The following PTCHD4 variants were observed in gnomAD, a reference collection of about 807,000 sequenced individuals.
The protein encoded by PTCHD4 is patched domain containing 4.
Under a neutral mutation model 58.1 loss-of-function variants are expected in PTCHD4, and 33 were observed. That is an observed-to-expected ratio of 0.57 (90% confidence interval 0.43 to 0.76). The LOEUF (loss-of-function observed/expected upper bound fraction) is 0.76. Ranked by LOEUF, PTCHD4 falls within the 30% of genes least tolerant of loss-of-function variation. The pLI, the probability that PTCHD4 is intolerant of heterozygous loss-of-function variation, is 0.00. For missense variants in PTCHD4, 1,058 were observed against 1,027.1 expected (o/e 1.03, Z -0.41); for synonymous variants, 478 against 409.6 (o/e 1.17, Z -2.02).
chr6:47,983,134 A>G (rs956084450), intron 4 of PTCHD4, among the ~76,000 whole-genome samples: 4 of 152,198 alleles, frequency 2.6e-5, no homozygotes, highest in Non-Finnish European at 5.9e-5. Flanking sequence ...AAAAATAGAC[A>G]TCAAAAAGTC....
intron 4 of PTCHD4, among the ~76,000 whole-genome samples, chr6:47,931,040 C>T (rs1347739637): frequency 6.6e-6 from 1 of 152,236 alleles, no homozygotes; most frequent in Non-Finnish European, 1.5e-5. Context: ...CCGCCTCGGC[C>T]TCCCAAAGTG....
At chr6:47,949,293 A>C (rs1416615049) in intron 4 of PTCHD4, among the ~76,000 whole-genome samples, 1 of 152,190 alleles carries the variant, frequency 6.6e-6, no homozygotes, top group Non-Finnish European at 1.5e-5. Flanking sequence ...AGTCAGATGA[A>C]GCTTGCTGAA....
rs753076264 is a variant in PTCHD4 at position 47,974,447 on chromosome 6, C to G, written c.898+34187G>C. Reference sequence around the variant, plus strand: ...TGGTCTGTGCCAAATAAGCACAAACCCTGATTTCTGAAAATCCATGATTTC... The same window carrying G: ...TGGTCTGTGCCAAATAAGCACAAACGCTGATTTCTGAAAATCCATGATTTC... On this transcript the variant is annotated intron_variant, in intron 4 of 4. Coordinates refer to ENST00000339488, the MANE Select transcript of PTCHD4 (RefSeq NM_001384253.1). 3.4e-4 allele frequency among the ~76,000 whole-genome samples: 51 copies of G among 152,060 alleles called. 1 individual carries two copies. The highest frequency in any genetic ancestry group is 5.6e-4 in the Non-Finnish European group (38 of 68,010).
At chr6:48,002,092 A>AT (rs1483902767) in intron 4 of PTCHD4, among the ~76,000 whole-genome samples, 1 of 152,250 alleles carries the variant, frequency 6.6e-6, no homozygotes, top group Non-Finnish European at 1.5e-5. Context: ...AATGGCGATC[A>AT]TTAAAAAGTC....
rs1424692238 is a variant in PTCHD4, at chr6:47,857,836, G to C, written c.*20467C>G. ...CATTAAACATTCTTTTTACAAGCTG[G>C]TACTTTAACATCTACCTCCCAAAGT... On this transcript the variant is annotated 3_prime_UTR_variant, in exon 5 of 5. Transcript: ENST00000339488. Among the ~76,000 whole-genome samples, 1 of 151,774 alleles carries C rather than the reference G, an allele frequency of 6.6e-6. No homozygotes were observed. The highest frequency in any genetic ancestry group is 2.4e-5 in the African/African-American group (1 of 41,282).
chr6:47,941,442 TA>T (rs1407752604), intron 4 of PTCHD4, among the ~76,000 whole-genome samples: 1 of 152,142 alleles, frequency 6.6e-6, no homozygotes, highest in Non-Finnish European at 1.5e-5. Context: ...TATATCTATC[TA>T]GAGTGAAATA....
At chr6:47,912,772 T>C (rs1307376266) in intron 4 of PTCHD4, among the ~76,000 whole-genome samples, 1 of 152,102 alleles carries the variant, frequency 6.6e-6, no homozygotes. Flanking sequence ...TAAAAAAATA[T>C]TATCTGCAAG....
intron 3 of PTCHD4, among the ~76,000 whole-genome samples, chr6:48,044,861 T>C (rs911668139): frequency 1.2e-4 from 18 of 151,924 alleles, no homozygotes; most frequent in Admixed American, 1.1e-3. Flanking sequence ...TTCATACCAT[T>C]GAACTTCAAT....
intron 4 of PTCHD4, among the ~76,000 whole-genome samples, chr6:47,999,122 A>T (rs1181220981): frequency 1.3e-5 from 2 of 152,196 alleles, no homozygotes; most frequent in African/African-American, 4.8e-5. Context: ...CAAATAAATG[A>T]TTCACTCATT....
intron 4 of PTCHD4, among the ~76,000 whole-genome samples, chr6:47,942,855 G>A (rs1766285671): frequency 6.6e-6 from 1 of 152,176 alleles, no homozygotes; most frequent in African/African-American, 2.4e-5. Context: ...TGGTTTCTAA[G>A]TGTTTCACTC....
At chr6:48,108,352 C>T (rs1765788244) in intron 1 of PTCHD4, among the ~76,000 whole-genome samples, 1 of 151,186 alleles carries the variant, frequency 6.6e-6, no homozygotes, top group Non-Finnish European at 1.5e-5. Context: ...ATCGCAAGGA[C>T]AAAAAAACCA....
At position 47,872,610 on chromosome 6, in the gene PTCHD4, C is replaced by T. The variant is rs1763746527; in HGVS notation, c.*5693G>A. Among the ~76,000 whole-genome samples, 2 of 151,564 alleles carry T rather than the reference C, an allele frequency of 1.3e-5. No individual in the cohort carries two copies. Among genetic ancestry groups the T allele is most frequent in the African/African-American group, 4.8e-5 (2 of 41,324 alleles). ...TTATAATTACCATGACCTGTGAGAC[C>T]TTTCTTAAGGGAAATTTTCAACTGG... On this transcript the variant is annotated 3_prime_UTR_variant, in exon 5 of 5. Transcript: ENST00000339488.
At position 47,872,934 on chromosome 6, in the gene PTCHD4, G is replaced by A. The variant is rs1004128498; in HGVS notation, c.*5369C>T. 2.0e-5 allele frequency among the ~76,000 whole-genome samples: 3 copies of A among 151,556 alleles called. No individual in the cohort carries two copies. Among genetic ancestry groups the A allele is most frequent in the African/African-American group, 7.3e-5 (3 of 41,328 alleles). On this transcript the variant is annotated 3_prime_UTR_variant, in exon 5 of 5. Transcript: ENST00000339488. ...ATCAGCAATAGAGAGTCCTCATTAA[G>A]TATGAAAAAAACTGATTAGAAAAAG...
intron 4 of PTCHD4, among the ~76,000 whole-genome samples, chr6:47,896,962 C>T (rs2114137689): frequency 6.6e-6 from 1 of 152,230 alleles, no homozygotes; most frequent in South Asian, 2.1e-4. Context: ...CTGTGTCTTG[C>T]CATCATTACT....
intron 4 of PTCHD4, among the ~76,000 whole-genome samples, chr6:47,947,023 T>C (rs1581917768): frequency 1.3e-5 from 2 of 152,034 alleles, no homozygotes; most frequent in African/African-American, 4.8e-5. Flanking sequence ...TTTGTAGAGA[T>C]GAGATCTTGC....
At chr6:47,905,043 T>A (rs973606892) in intron 4 of PTCHD4, among the ~76,000 whole-genome samples, 11 of 131,670 alleles carry the variant, frequency 8.4e-5, no homozygotes, top group Admixed American at 8.3e-4. Flanking sequence ...AATACAGCCA[T>A]CACACACACA....
chr6:47,934,562 T>C (rs1263155257), intron 4 of PTCHD4, among the ~76,000 whole-genome samples: 1 of 152,222 alleles, frequency 6.6e-6, no homozygotes, highest in Admixed American at 6.5e-5. Context: ...CAAAAGTATA[T>C]AAGAAACAGT....
At chr6:47,902,341 T>G (rs976894044) in intron 4 of PTCHD4, among the ~76,000 whole-genome samples, 1 of 152,166 alleles carries the variant, frequency 6.6e-6, no homozygotes, top group Non-Finnish European at 1.5e-5. Flanking sequence ...TGAAGGCATA[T>G]ATTCAAGAAA....
chr6:47,954,011 C>T (rs551731923), intron 4 of PTCHD4, among the ~76,000 whole-genome samples: 1 of 152,210 alleles, frequency 6.6e-6, no homozygotes, highest in South Asian at 2.1e-4. Context: ...CACTTTACTA[C>T]TGAAGTGAAG....
Sources: allele counts gnomAD v4.1 joint callset (sites outside exome capture counted in the v4.1 genomes callset), GRCh38; gene constraint gnomAD v4.1.1; transcripts MANE v1.5; gene names NCBI Gene and HGNC (gene_info 2026-07-23, HGNC 2026-07-21).